The following PCSK5 variants were observed in gnomAD, a reference collection of about 807,000 sequenced individuals.
The protein encoded by PCSK5 is proprotein convertase subtilisin/kexin type 5, also known as prohormone convertase 5.
A neutral mutation model predicts 233.2 loss-of-function variants in PCSK5; 129 were observed. The ratio of observed to expected loss-of-function variants is 0.55; its 90% CI spans 0.48 to 0.64. PCSK5 has a LOEUF of 0.64. PCSK5 is among the 30% of genes least tolerant of loss of function. The pLI, the probability that PCSK5 is intolerant of heterozygous loss-of-function variation, is 0.00. For synonymous variants in PCSK5, 825 were observed against 879.2 expected (o/e 0.94, Z 1.09); for missense variants, 2,076 against 2,430.1 (o/e 0.85, Z 3.06).
intron 3 of PCSK5, among the ~76,000 whole-genome samples, chr9:76,014,547 G>T (rs1264489702): frequency 1.3e-5 from 2 of 152,198 alleles, no homozygotes; most frequent in Non-Finnish European, 2.9e-5. Context: ...CCAGAGGAGA[G>T]TTGAACAGTA....
intron 6 of PCSK5, among the ~76,000 whole-genome samples, chr9:76,070,189 A>T (rs865817166): frequency 1.3e-4 from 20 of 152,002 alleles, no homozygotes; most frequent in Middle Eastern, 6.8e-3. Context: ...TTTAGTAGAG[A>T]CGGGGTTTCA....
chr9:76,123,229 G>C (rs1406532918), intron 9 of PCSK5, among the ~76,000 whole-genome samples: 1 of 152,058 alleles, frequency 6.6e-6, no homozygotes, highest in Non-Finnish European at 1.5e-5. Flanking sequence ...ATAGCACTTT[G>C]TCAACAAATT....
intron 12 of PCSK5, among the ~76,000 whole-genome samples, chr9:76,159,816 CTTTTTTTTT>C (rs386415165): frequency 1.0e-5 from 1 of 97,590 alleles, no homozygotes; most frequent in South Asian, 3.9e-4. Context: ...CTCTTCAGTC[CTTTTTTTTT>C]TTTTTTTTTT....
At chr9:76,159,265 C>A in intron 12 of PCSK5, 94 bp downstream of exon 12, 1 of 1,153,720 alleles carries the variant, frequency 8.7e-7, no homozygotes, top group South Asian at 1.5e-5. Flanking sequence ...TTCACCTAAC[C>A]TGGGAACCAG....
intron 1 of PCSK5, among the ~76,000 whole-genome samples, chr9:75,906,227 A>C (rs577348594): frequency 6.6e-6 from 1 of 152,058 alleles, no homozygotes; most frequent in East Asian, 1.9e-4. Context: ...ACTTGAGCAG[A>C]TACCTATTTT....
intron 5 of PCSK5, among the ~76,000 whole-genome samples, chr9:76,063,842 G>A (rs1830132195): frequency 1.7e-5 from 1 of 57,510 alleles, no homozygotes; most frequent in South Asian, 1.0e-3. Context: ...ATGAGCTGTT[G>A]GGCACACCTC....
chr9:76,141,966 G>A (rs888967912), intron 10 of PCSK5, among the ~76,000 whole-genome samples: 3 of 151,962 alleles, frequency 2.0e-5, no homozygotes, highest in Admixed American at 6.6e-5. Flanking sequence ...AACACACACT[G>A]GGGCCTACTT....
At chr9:76,346,083 T>C (rs183993506) in intron 35 of PCSK5, among the ~76,000 whole-genome samples, 1 of 152,190 alleles carries the variant, frequency 6.6e-6, no homozygotes, top group Non-Finnish European at 1.5e-5. Flanking sequence ...CAGGTAGGGA[T>C]CCAGTTTTAT....
chr9:76,244,894 T>C (rs1399678813), intron 24 of PCSK5, among the ~76,000 whole-genome samples: 1 of 152,234 alleles, frequency 6.6e-6, no homozygotes, highest in Admixed American at 6.5e-5. Context: ...TATATAATAC[T>C]ATTCTGCTCC....
chr9:76,014,635 A>G (rs1178229161), intron 3 of PCSK5, among the ~76,000 whole-genome samples: 1 of 152,232 alleles, frequency 6.6e-6, no homozygotes, highest in South Asian at 2.1e-4. Context: ...GAAATTTCCC[A>G]CCGGACCTAT....
At chr9:76,233,677 G>T in intron 22 of PCSK5, 81 bp downstream of exon 22, 4 of 1,328,556 alleles carry the variant, frequency 3.0e-6, no homozygotes, top group Non-Finnish European at 4.2e-6. Context: ...TGACCCAAAA[G>T]CCTTGTGTCT....
At chr9:76,355,379 A>G (rs1830274424) in intron 37 of PCSK5, among the ~76,000 whole-genome samples, 1 of 152,144 alleles carries the variant, frequency 6.6e-6, no homozygotes, top group Non-Finnish European at 1.5e-5. Flanking sequence ...AGGCTGAGGC[A>G]AGAGAATGGC....
At position 75,903,560 on chromosome 9, in the gene PCSK5, A is replaced by ATGTGTGTGTG. The variant is rs200020730; in HGVS notation, c.192+12188_192+12189insGTGTGTGTGT. Among the ~76,000 whole-genome samples, 33 of 121,182 alleles carry ATGTGTGTGTG rather than the reference A, an allele frequency of 2.7e-4. 1 individual carries two copies. Among genetic ancestry groups the ATGTGTGTGTG allele is most frequent in the African/African-American group, 7.6e-4 (24 of 31,532 alleles). 79.5% of individuals were successfully genotyped at this position (121,182 alleles called of 152,430 possible). A position where few individuals can be genotyped will look rare whatever the true frequency, so the allele number is the denominator to read the frequency against. On this transcript the variant is annotated intron_variant, in intron 1 of 37. Coordinates refer to ENST00000674117, the MANE Select transcript of PCSK5 (RefSeq NM_001372043.1). ...TGTATGTGTATGTGCATGTGTGTAT[A>ATGTGTGTGTG]TATGTGTGTGTGTGTATATATATAT...
At chr9:76,047,522 A>T (rs1431274165) in intron 5 of PCSK5, among the ~76,000 whole-genome samples, 3 of 152,108 alleles carry the variant, frequency 2.0e-5, no homozygotes, top group Non-Finnish European at 4.4e-5. Flanking sequence ...ATGGAAAGGG[A>T]CTTGCACAGA....
chr9:76,108,160 G>A (rs567678291), intron 9 of PCSK5, among the ~76,000 whole-genome samples: 191 of 152,202 alleles, frequency 1.3e-3, no homozygotes, highest in African/African-American at 4.3e-3. Context: ...CTCAGACCCC[G>A]CTGGAGATTT....
At position 75,942,873 on chromosome 9, in the gene PCSK5, TTTC is replaced by T. The variant is rs1225257036; in HGVS notation, c.297+10402_297+10404del. Among the ~76,000 whole-genome samples the T allele has an allele frequency of 7.3e-3, 987 of 135,708 alleles. 256 individuals are homozygous for T. Among genetic ancestry groups the T allele is most frequent in the Middle Eastern group, 0.021 (5 of 242 alleles). The allele number at this position is 135,708 out of a possible 152,430, so 89.0% of individuals were successfully genotyped here. A position where few individuals can be genotyped will look rare whatever the true frequency, so the allele number is the denominator to read the frequency against. ...TTTTTCTAGTTGTTGTGGTATTTCT[TTTC>T]TTCTTCTTCTTTTTTTTTTTTTTTT... On this transcript the variant is annotated intron_variant, in intron 2 of 37. Coordinates refer to ENST00000674117, the MANE Select transcript of PCSK5 (RefSeq NM_001372043.1).
Position 76,027,024 on chromosome 9 carries a change from A to T in PCSK5, c.619A>T (p.Ser207Cys). 6.2e-7 allele frequency: 1 copy of T among 1,608,782 alleles called. No individual in the cohort carries two copies. The highest frequency in any genetic ancestry group is 1.7e-5 in the Admixed American group (1 of 59,554). The change falls in exon 5 of 38, where the codon AGC becomes TGC. Residue 207 changes from serine to cysteine, a missense_variant. This residue lies in a region of PCSK5 where 178 missense variants were observed against 393.6 expected (regional missense o/e 0.45). Transcript: ENST00000674117. ...DLDPMPRYDASNENKHGTRCA... is the reference protein window; with the variant it reads ...DLDPMPRYDACNENKHGTRCA... Reference sequence around the variant, plus strand: ...GGACCCAATGCCTCGTTATGATGCAAGCAACGAGAACAAGTAAGGCCCAAG... The same window carrying T: ...GGACCCAATGCCTCGTTATGATGCATGCAACGAGAACAAGTAAGGCCCAAG...
chr9:76,307,892 T>C (rs1828750967), intron 28 of PCSK5, among the ~76,000 whole-genome samples: 1 of 151,916 alleles, frequency 6.6e-6, no homozygotes, highest in Non-Finnish European at 1.5e-5. Context: ...ATTATCATCT[T>C]GGAGTGAAGA....
intron 34 of PCSK5, among the ~76,000 whole-genome samples, chr9:76,337,907 G>T (rs1046894980): frequency 6.6e-6 from 1 of 152,048 alleles, no homozygotes; most frequent in Non-Finnish European, 1.5e-5. Flanking sequence ...GCATGAACTT[G>T]GAGAGACACA....
Sources: gnomAD v4.1 joint callset for allele counts (sites outside exome capture counted in the v4.1 genomes callset) on GRCh38, gnomAD v4.1.1 for gene constraint, gnomAD v4.1.1 regional missense constraint, MANE v1.5 for transcripts, NCBI Gene and HGNC (gene_info 2026-07-23, HGNC 2026-07-21) for gene names.